Variants in CCDC172 observed in about 807,000 individuals in gnomAD.
CCDC172 encodes coiled-coil domain-containing protein 172.
In CCDC172, 30 loss-of-function variants were observed where a neutral mutation model predicts 38.0. The observed-to-expected ratio is 0.79, with a 90% confidence interval of 0.59 to 1.07. CCDC172 has a LOEUF of 1.07. Ranked by LOEUF, CCDC172 falls within the 50% of genes least tolerant of loss-of-function variation. The pLI, the probability that CCDC172 is intolerant of heterozygous loss-of-function variation, is 0.00. For missense variants in CCDC172, 297 were observed against 290.1 expected (o/e 1.02, Z -0.17); for synonymous variants, 78 against 88.3 (o/e 0.88, Z 0.66).
At chr10:116,352,405 A>G (rs1331451700) in intron 5 of CCDC172, among the ~76,000 whole-genome samples, 10 of 152,218 alleles carry the variant, frequency 6.6e-5, no homozygotes, top group African/African-American at 2.4e-5. Flanking sequence ...GGTCAATAGT[A>G]ACATACCTAG....
Position 116,367,091 on chromosome 10 carries a change from T to C in CCDC172, c.653+9153T>C, listed in dbSNP as rs190643061. Among the ~76,000 whole-genome samples, 1,120 of 152,316 alleles carry C rather than the reference T, an allele frequency of 7.4e-3. 9 individuals carry two copies. The highest frequency in any genetic ancestry group is 0.025 in the African/African-American group (1,047 of 41,576). On this transcript the variant is annotated intron_variant, in intron 7 of 8. Coordinates refer to ENST00000333254, the MANE Select transcript of CCDC172 (RefSeq NM_198515.3). ...CTGTTAATGAATTAAAAATATCTTC[T>C]CCAATTTTATGGGGTTTTGTTGTTT...
chr10:116,342,258 T>TG, intron 5 of CCDC172, 57 bp downstream of exon 5: 1 of 1,458,306 alleles, frequency 6.9e-7, no homozygotes. Context: ...TTATTTTGAA[T>TG]GAATGAATTT....
At chr10:116,344,882 C>T (rs942734078) in intron 5 of CCDC172, among the ~76,000 whole-genome samples, 3 of 146,070 alleles carry the variant, frequency 2.1e-5, no homozygotes, top group African/African-American at 7.5e-5. Context: ...AAAAAAAAAA[C>T]CTAAAACACA....
In CCDC172 at chr10:116,338,688, T is replaced by C. The variant is rs72837871; in HGVS notation, c.166-2046T>C. Among the ~76,000 whole-genome samples the C allele has an allele frequency of 7.3e-3, 1,110 of 152,212 alleles. 6 individuals are homozygous for C. Among genetic ancestry groups the C allele is most frequent in the Non-Finnish European group, 0.011 (758 of 67,950 alleles). On this transcript the variant is annotated intron_variant, in intron 3 of 8. Transcript: ENST00000333254. Reference sequence around the variant, plus strand: ...CCCTTTTAAGAAAGAAGACGTGGGCTCAGTGGTAATTTAAGCTCTTAGTCA... The same window carrying C: ...CCCTTTTAAGAAAGAAGACGTGGGCCCAGTGGTAATTTAAGCTCTTAGTCA...
Position 116,357,819 on chromosome 10 carries a change from T to C in CCDC172, c.551-17T>C. The C allele has an allele frequency of 8.0e-7, 1 of 1,246,980 alleles. No individual in the cohort carries two copies. The highest frequency in any genetic ancestry group is 1.3e-5 in the South Asian group (1 of 76,104). 77.2% of individuals were successfully genotyped at this position (1,246,980 alleles called of 1,614,324 possible). A position where few individuals can be genotyped will look rare whatever the true frequency, so the allele number is the denominator to read the frequency against. On this transcript the variant is annotated splice_polypyrimidine_tract_variant and intron_variant, in intron 6 of 8. Transcript: ENST00000333254. ...TTTAATTTTCAAAAGATTGCAACTA[T>C]TTTTTGATTTGTTTAGTTTTTGAAG...
At chr10:116,338,847 T>C (rs1844760641) in intron 3 of CCDC172, among the ~76,000 whole-genome samples, 1 of 152,046 alleles carries the variant, frequency 6.6e-6, no homozygotes, top group African/African-American at 2.4e-5. Flanking sequence ...CATTTTTGAG[T>C]TTTGGGTTTG....
At chr10:116,378,314 T>C (rs942330510) in intron 7 of CCDC172, 109 bp from the exon 8 acceptor site, 4 of 1,088,324 alleles carry the variant, frequency 3.7e-6, no homozygotes, top group South Asian at 4.0e-5. Flanking sequence ...AATTATTTAG[T>C]CTTAACTTGA....
intron 5 of CCDC172, among the ~76,000 whole-genome samples, chr10:116,355,257 T>G (rs1844981386): frequency 6.6e-6 from 1 of 152,194 alleles, no homozygotes; most frequent in Non-Finnish European, 1.5e-5. Flanking sequence ...TACTGTATTT[T>G]TGCTGTACCT....
At chr10:116,373,939 G>A (rs1456462798) in intron 7 of CCDC172, among the ~76,000 whole-genome samples, 3 of 152,116 alleles carry the variant, frequency 2.0e-5, no homozygotes, top group Non-Finnish European at 4.4e-5. Context: ...TGCAGTTCCA[G>A]TTACCCACAT....
At chr10:116,353,794 A>C (rs772033226) in intron 5 of CCDC172, among the ~76,000 whole-genome samples, 22 of 152,196 alleles carry the variant, frequency 1.4e-4, no homozygotes, top group Non-Finnish European at 8.8e-5. Flanking sequence ...TTACATTATT[A>C]GTTATCAGGG....
At chr10:116,324,817 ACCCTCAGAC>A (rs1246705151) in intron 1 of CCDC172, 121 bp from the exon 2 acceptor site, 3 of 594,316 alleles carry the variant, frequency 5.0e-6, no homozygotes, top group Non-Finnish European at 9.0e-6. Context: ...GCGTCCCTAG[ACCCTCAGAC>A]CCCTCAGACA....
intron 7 of CCDC172, among the ~76,000 whole-genome samples, chr10:116,372,957 A>G (rs1288312587): frequency 6.6e-6 from 1 of 152,220 alleles, no homozygotes; most frequent in Non-Finnish European, 1.5e-5. Flanking sequence ...AGGCAAATAC[A>G]GATATTTTTA....
chr10:116,324,925 T>A (rs1844570142), intron 1 of CCDC172, 22 bp from the exon 2 acceptor site: 1 of 1,078,022 alleles, frequency 9.3e-7, no homozygotes, highest in Non-Finnish European at 1.4e-6. Context: ...GAAGAATCCA[T>A]CTTCTTTATT....
At chr10:116,355,380 G>A (rs1165763342) in intron 5 of CCDC172, among the ~76,000 whole-genome samples, 1 of 152,174 alleles carries the variant, frequency 6.6e-6, no homozygotes, top group African/African-American at 2.4e-5. Context: ...AGGCTATACA[G>A]TATAGCCTAT....
intron 3 of CCDC172, 25 bp from the exon 4 acceptor site, chr10:116,340,709 T>G (rs981898413): frequency 2.6e-6 from 3 of 1,146,830 alleles, no homozygotes. Flanking sequence ...TGTTTTATTC[T>G]GATTTCTGTT....
At chr10:116,379,257 T>C (rs973609550) in intron 8 of CCDC172, 66 bp from the exon 9 acceptor site, 21 of 874,364 alleles carry the variant, frequency 2.4e-5, no homozygotes, top group Non-Finnish European at 3.6e-5. Context: ...TTTAGGTACA[T>C]TTTATGTAAT....
chr10:116,329,483 G>T (rs1844631038), intron 3 of CCDC172, among the ~76,000 whole-genome samples: 1 of 152,030 alleles, frequency 6.6e-6, no homozygotes, highest in Non-Finnish European at 1.5e-5. Context: ...AGAATCATGT[G>T]GGACTTTTAG....
chr10:116,376,656 C>G (rs529209826), intron 7 of CCDC172, among the ~76,000 whole-genome samples: 8 of 152,168 alleles, frequency 5.3e-5, no homozygotes, highest in Admixed American at 4.6e-4. Context: ...ATTGTTGGCT[C>G]TTTGTTTAAG....
At chr10:116,330,768 C>T (rs1329784989) in intron 3 of CCDC172, among the ~76,000 whole-genome samples, 1 of 152,126 alleles carries the variant, frequency 6.6e-6, no homozygotes, top group African/African-American at 2.4e-5. Flanking sequence ...GAGTCTCACT[C>T]TGTTACCCAG....
Sources: allele counts gnomAD v4.1 joint callset (sites outside exome capture counted in the v4.1 genomes callset), GRCh38; gene constraint gnomAD v4.1.1; transcripts MANE v1.5; gene names NCBI Gene and HGNC (gene_info 2026-07-23, HGNC 2026-07-21).